COLGALT1: variants seen among roughly 807,000 people sequenced by gnomAD.
The protein encoded by COLGALT1 is procollagen galactosyltransferase 1.
COLGALT1 carries 43 observed loss-of-function variants against 60.8 expected under a neutral mutation model. The ratio of observed to expected loss-of-function variants is 0.71; its 90% CI spans 0.55 to 0.91. COLGALT1 has a LOEUF of 0.91. COLGALT1 is among the 40% of genes least tolerant of loss of function. The pLI, the probability that COLGALT1 is intolerant of heterozygous loss-of-function variation, is 0.00. For missense variants in COLGALT1, 845 were observed against 880.0 expected (o/e 0.96, Z 0.50); for synonymous variants, 369 against 374.2 (o/e 0.99, Z 0.16).
At chr19:17,558,501 A>G (rs1258161258) in intron 1 of COLGALT1, among the ~76,000 whole-genome samples, 1 of 149,114 alleles carries the variant, frequency 6.7e-6, no homozygotes, top group Non-Finnish European at 1.5e-5. Flanking sequence ...AACATGGCGA[A>G]ACCCCATCTC....
At position 17,580,739 on chromosome 19, in the gene COLGALT1, A is replaced by G; in HGVS notation, c.1435A>G (p.Lys479Glu). The G allele has an allele frequency of 6.2e-7, 1 of 1,613,886 alleles. No individual in the cohort carries two copies. Among genetic ancestry groups the G allele is most frequent in the Non-Finnish European group, 8.5e-7 (1 of 1,179,976 alleles). Residue 479 changes from lysine (K) to glutamate (E), a missense_variant, in exon 11 of 12, where the codon AAG becomes GAG. Lys to Glu is a moderately conservative substitution (Grantham distance 56). Coordinates refer to ENST00000252599, the MANE Select transcript of COLGALT1 (RefSeq NM_024656.4). ...GCGGATGCAGGTGGAGCACCCCGAG[A>G]AGGCTGTGCCTCGCGTGAGGAACCT... The part of the protein sequence containing the change: ...RKRMQVEHPE[K>E]AVPRVRNLVE...
At chr19:17,577,003 T>TGAGAGGCAGGACAGGGGGCGGGG in intron 6 of COLGALT1, 192 bp from the exon 7 acceptor site, 1 of 587,596 alleles carries the variant, frequency 1.7e-6, no homozygotes. Context: ...TGGCCAGGGC[T>TGAGAGGCAGGACAGGGGGCGGGG]TTGGGCTGCT....
chr19:17,574,487 C>T (rs1188711321), intron 6 of COLGALT1, among the ~76,000 whole-genome samples: 2 of 152,078 alleles, frequency 1.3e-5, no homozygotes, highest in Non-Finnish European at 2.9e-5. Context: ...CCTGCCACCA[C>T]ACCTGGCAAA....
intron 3 of COLGALT1, among the ~76,000 whole-genome samples, chr19:17,565,279 C>T (rs2076274057): frequency 6.6e-6 from 1 of 151,980 alleles, no homozygotes; most frequent in African/African-American, 2.4e-5. Flanking sequence ...CGTTAGTCTC[C>T]CGAGTAGCTG....
In COLGALT1 at chr19:17,558,086, C is replaced by T. The variant is rs10401734; in HGVS notation, c.261-1225C>T. Among the ~76,000 whole-genome samples the T allele has an allele frequency of 5.9e-3, 899 of 151,642 alleles. 11 individuals carry two copies. Among genetic ancestry groups the T allele is most frequent in the African/African-American group, 0.02 (846 of 41,336 alleles). On this transcript the variant is annotated intron_variant, in intron 1 of 11. Transcript: ENST00000252599. ...CTGAGTAGCTGGGATTACAGGTGCC[C>T]GCCACCACACCCAGCTAATTTTTTG...
chr19:17,565,396 A>G (rs1221733130), intron 3 of COLGALT1, among the ~76,000 whole-genome samples: 1 of 151,844 alleles, frequency 6.6e-6, no homozygotes, highest in East Asian at 1.9e-4. Flanking sequence ...TGGACTCTTG[A>G]CCTCATGTGA....
chr19:17,572,584 G>T lies in COLGALT1; in HGVS notation c.931G>T (p.Val311Leu), dbSNP rs140014363. 1 of 1,614,078 alleles carries T rather than the reference G, an allele frequency of 6.2e-7. No homozygotes were observed. The highest frequency in any genetic ancestry group is 2.2e-5 in the East Asian group (1 of 44,880). ...GGATGAGGCCGAGAGCTTCATGCAT[G>T]TGCAGCTGGAGGTCATGGGTGAGTC... ...LQDEAESFMH[V>L]QLEVMVKHPP... The change falls in exon 6 of 12, where the codon GTG becomes TTG. Residue 311 changes from valine (V) to leucine (L), a missense_variant. Transcript: ENST00000252599.
intron 10 of COLGALT1, chr19:17,579,858 C>A: frequency 1.9e-6 from 1 of 517,632 alleles, no homozygotes; most frequent in East Asian, 3.1e-5. Flanking sequence ...GCCTGTATGT[C>A]TGGGTGTGGT....
intron 10 of COLGALT1, 175 bp from the exon 11 acceptor site, chr19:17,580,524 C>T (rs752767284): frequency 9.1e-5 from 58 of 637,568 alleles, no homozygotes; most frequent in South Asian, 3.5e-4. Flanking sequence ...TCTTCTCCCC[C>T]ATGACCGCCA....
At position 17,581,165 on chromosome 19, in the gene COLGALT1, T is replaced by C; in HGVS notation, c.1602-12T>C. The C allele has an allele frequency of 1.3e-6, 2 of 1,594,030 alleles. No individual in the cohort carries two copies. Among genetic ancestry groups the C allele is most frequent in the African/African-American group, 2.8e-5 (2 of 70,584 alleles). ...CCATTGCTGCCCCTCACTCCCCTCCTCCTCCCCCCAGGTCCGAGTACAAGG... is the reference window on the plus strand; with the variant it reads ...CCATTGCTGCCCCTCACTCCCCTCCCCCTCCCCCCAGGTCCGAGTACAAGG... On this transcript the variant is annotated splice_polypyrimidine_tract_variant and intron_variant, in intron 11 of 11. Transcript: ENST00000252599.
Position 17,580,684 on chromosome 19 carries a change from G to C in COLGALT1, c.1395-15G>C. On this transcript the variant is annotated splice_polypyrimidine_tract_variant and intron_variant, in intron 10 of 11. Coordinates refer to ENST00000252599, the MANE Select transcript of COLGALT1 (RefSeq NM_024656.4). The stretch of plus-strand genomic sequence containing the variant: ...AGGGCGGGAGGAGAGTGACAGGCCC[G>C]ATCTTGCACCCCAGCTATGTGGGCC... The C allele has an allele frequency of 6.2e-7, 1 of 1,613,488 alleles. No homozygotes were observed. The highest frequency in any genetic ancestry group is 8.5e-7 in the Non-Finnish European group (1 of 1,179,924).
At chr19:17,561,065 C>T (rs890724474) in intron 3 of COLGALT1, among the ~76,000 whole-genome samples, 1 of 150,416 alleles carries the variant, frequency 6.6e-6, no homozygotes, top group Non-Finnish European at 1.5e-5. Context: ...ATTAGCCGGG[C>T]GTGGTGGCAG....
intron 4 of COLGALT1, among the ~76,000 whole-genome samples, chr19:17,567,777 A>T (rs775866573): frequency 5.5e-5 from 5 of 90,176 alleles, no homozygotes; most frequent in Non-Finnish European, 1.3e-4. Context: ...CATCTCTACT[A>T]AAAAAAAAAA....
chr19:17,575,371 G>C (rs1337282309), intron 6 of COLGALT1, among the ~76,000 whole-genome samples: 1 of 151,476 alleles, frequency 6.6e-6, no homozygotes, highest in African/African-American at 2.4e-5. Flanking sequence ...TCAGCCTCCC[G>C]AGTAGCTGGG....
At chr19:17,574,332 C>CTT (rs767455561) in intron 6 of COLGALT1, among the ~76,000 whole-genome samples, 4 of 141,484 alleles carry the variant, frequency 2.8e-5, no homozygotes, top group Non-Finnish European at 4.7e-5. Flanking sequence ...TTTGGGGAGA[C>CTT]TTTTTTTTTT....
intron 3 of COLGALT1, among the ~76,000 whole-genome samples, chr19:17,563,815 T>C (rs2076263787): frequency 6.6e-6 from 1 of 152,178 alleles, no homozygotes; most frequent in Non-Finnish European, 1.5e-5. Flanking sequence ...TTTTTGTAAC[T>C]GGGGACTTTG....
chr19:17,572,539 C>G lies in COLGALT1; in HGVS notation c.886C>G (p.Arg296Gly). Residue 296 changes from arginine to glycine, a missense_variant, in exon 6 of 12, where the codon CGC becomes GGC. By Grantham distance (125) the Arg-to-Gly change is moderately radical. Coordinates refer to ENST00000252599, the MANE Select transcript of COLGALT1 (RefSeq NM_024656.4). ...GTACGGATTCTTGCCAGTGCCATTG[C>G]GCGCCCACAGCACCCTCCAGGATGA... Reference protein sequence around the residue: ...EEYGFLPVPLRAHSTLQDEAE... With the variant: ...EEYGFLPVPLGAHSTLQDEAE... The G allele has an allele frequency of 6.2e-7, 1 of 1,614,154 alleles. No homozygotes were observed. The highest frequency in any genetic ancestry group is 1.3e-5 in the African/African-American group (1 of 75,054).
Position 17,581,559 on chromosome 19 carries a change from G to A in COLGALT1, c.*115G>A. Reference sequence around the variant, plus strand: ...GCAGGCCACAGAGGGCTCTCGTGTGGGGTGGTGTCCAGCCAGCTCTTGCTA... The same window carrying A: ...GCAGGCCACAGAGGGCTCTCGTGTGAGGTGGTGTCCAGCCAGCTCTTGCTA... On this transcript the variant is annotated 3_prime_UTR_variant, in exon 12 of 12. Coordinates refer to ENST00000252599, the MANE Select transcript of COLGALT1 (RefSeq NM_024656.4). The A allele has an allele frequency of 7.3e-7, 1 of 1,364,538 alleles. No individual in the cohort carries two copies. The highest frequency in any genetic ancestry group is 9.8e-7 in the Non-Finnish European group (1 of 1,024,888). The allele number at this position is 1,364,538 out of a possible 1,614,324, so 84.5% of individuals were successfully genotyped here.
intron 3 of COLGALT1, among the ~76,000 whole-genome samples, chr19:17,565,742 G>A (rs571018850): frequency 6.6e-6 from 1 of 152,312 alleles, no homozygotes; most frequent in East Asian, 1.9e-4. Context: ...CCTAGGAATG[G>A]AATTCCTGGA....
Sources: allele counts gnomAD v4.1 joint callset (sites outside exome capture counted in the v4.1 genomes callset), GRCh38; gene constraint gnomAD v4.1.1; transcripts MANE v1.5; gene names NCBI Gene and HGNC (gene_info 2026-07-23, HGNC 2026-07-21).